The following KLHL1 variants were observed in gnomAD, a reference collection of about 807,000 sequenced individuals.
The protein encoded by KLHL1 is kelch like family member 1.
In KLHL1, 47 loss-of-function variants were observed where a neutral mutation model predicts 77.7. The ratio of observed to expected loss-of-function variants is 0.60; its 90% CI spans 0.48 to 0.77. The LOEUF (loss-of-function observed/expected upper bound fraction) is 0.77. Among genes scored for constraint, KLHL1 ranks in the 30% least tolerant of loss-of-function variants. The pLI, the probability that KLHL1 is intolerant of heterozygous loss-of-function variation, is 0.00. For missense variants in KLHL1, 925 were observed against 910.8 expected, an observed-to-expected ratio of 1.02 and a Z score of -0.20; for synonymous variants, 360 against 325.2, an observed-to-expected ratio of 1.11 and a Z score of -1.15.
At chr13:69,761,486 A>G (rs1875017715) in intron 7 of KLHL1, among the ~76,000 whole-genome samples, 1 of 152,170 alleles carries the variant, frequency 6.6e-6, no homozygotes, top group Non-Finnish European at 1.5e-5. Flanking sequence ...AACTTAGGCT[A>G]AATTTGATGT....
chr13:69,759,956 T>G (rs1307591731), intron 7 of KLHL1, among the ~76,000 whole-genome samples: 1 of 152,164 alleles, frequency 6.6e-6, no homozygotes, highest in African/African-American at 2.4e-5. Flanking sequence ...AGTAAGAGTT[T>G]CTAGTGACTC....
intron 4 of KLHL1, among the ~76,000 whole-genome samples, chr13:69,918,807 T>TTTAGTGTGTCCTTTCTC (rs1302246461): frequency 6.6e-6 from 1 of 152,164 alleles, no homozygotes; most frequent in African/African-American, 2.4e-5. Flanking sequence ...TATTCCAGTT[T>TTTAGTGTGTCCTTTCTC]TTAGTGTGTC....
intron 1 of KLHL1, among the ~76,000 whole-genome samples, chr13:70,045,687 G>A (rs1886477940): frequency 1.3e-5 from 2 of 152,112 alleles, no homozygotes; most frequent in Admixed American, 6.6e-5. Flanking sequence ...AACACATATG[G>A]AGTTTTAAAG....
chr13:69,922,080 G>A (rs532048097), intron 4 of KLHL1, among the ~76,000 whole-genome samples: 80 of 151,846 alleles, frequency 5.3e-4, no homozygotes, highest in African/African-American at 1.9e-3. Context: ...ACGTGCACAC[G>A]ACAGTGCCTG....
chr13:69,766,470 TTA>T (rs1043928266), intron 7 of KLHL1, among the ~76,000 whole-genome samples: 3 of 149,836 alleles, frequency 2.0e-5, no homozygotes, highest in East Asian at 3.9e-4. Context: ...CACCTAATTT[TTA>T]TATATATATA....
intron 8 of KLHL1, 100 bp downstream of exon 8, chr13:69,740,294 T>G (rs1422095314): frequency 2.4e-6 from 2 of 850,446 alleles, no homozygotes; most frequent in Non-Finnish European, 1.7e-6. Flanking sequence ...TAAAATGTTT[T>G]AAAACAATTT....
intron 1 of KLHL1, among the ~76,000 whole-genome samples, chr13:70,089,325 T>C (rs1887619816): frequency 6.6e-6 from 1 of 152,190 alleles, no homozygotes; most frequent in African/African-American, 2.4e-5. Flanking sequence ...CTTTTGTTAT[T>C]GTTTTTAATG....
chr13:69,997,705 TG>T, intron 1 of KLHL1, among the ~76,000 whole-genome samples: 1 of 147,540 alleles, frequency 6.8e-6, no homozygotes, highest in South Asian at 2.1e-4. Flanking sequence ...ATAAATACAT[TG>T]ATATTACATA....
intron 7 of KLHL1, among the ~76,000 whole-genome samples, chr13:69,752,790 T>C (rs759327385): frequency 2.4e-4 from 37 of 152,164 alleles, no homozygotes; most frequent in Admixed American, 4.6e-4. Context: ...AGAAAAAAAC[T>C]CAGGCTATAT....
intron 2 of KLHL1, among the ~76,000 whole-genome samples, chr13:69,973,997 G>A (rs1180485762): frequency 2.0e-5 from 3 of 151,876 alleles, no homozygotes; most frequent in Non-Finnish European, 4.4e-5. Context: ...TTCCACAAGC[G>A]TCTTATGAAA....
intron 9 of KLHL1, among the ~76,000 whole-genome samples, chr13:69,709,613 G>A (rs1483113117): frequency 6.6e-6 from 1 of 151,314 alleles, no homozygotes; most frequent in Non-Finnish European, 1.5e-5. Flanking sequence ...AATTATTGAA[G>A]TTTTTATTAG....
At chr13:69,957,156 G>A (rs545331261) in intron 3 of KLHL1, among the ~76,000 whole-genome samples, 3 of 151,724 alleles carry the variant, frequency 2.0e-5, no homozygotes, top group Non-Finnish European at 4.4e-5. Flanking sequence ...AAAAATGGAA[G>A]TACAGAATAG....
chr13:69,858,397 A>G (rs1409392536), intron 5 of KLHL1, among the ~76,000 whole-genome samples: 4 of 152,118 alleles, frequency 2.6e-5, no homozygotes, highest in Non-Finnish European at 4.4e-5. Flanking sequence ...TCTAAATATT[A>G]TGTATAAATC....
At chr13:70,098,741 T>A (rs1887850659) in intron 1 of KLHL1, among the ~76,000 whole-genome samples, 1 of 151,916 alleles carries the variant, frequency 6.6e-6, no homozygotes, top group East Asian at 1.9e-4. Context: ...ATTAAAGGAT[T>A]TCACAGAGCA....
At chr13:69,905,255 A>G (rs1219271242) in intron 4 of KLHL1, among the ~76,000 whole-genome samples, 1 of 152,120 alleles carries the variant, frequency 6.6e-6, no homozygotes, top group Non-Finnish European at 1.5e-5. Context: ...GTATGTAGTA[A>G]CGATGCTGAT....
At chr13:69,714,996 T>C (rs531256641) in intron 9 of KLHL1, among the ~76,000 whole-genome samples, 1 of 152,288 alleles carries the variant, frequency 6.6e-6, no homozygotes, top group Admixed American at 6.5e-5. Flanking sequence ...TAAATTATCA[T>C]GATGCCAGAA....
chr13:70,040,479 T>C (rs1291121018), intron 1 of KLHL1, among the ~76,000 whole-genome samples: 2 of 152,172 alleles, frequency 1.3e-5, no homozygotes, highest in African/African-American at 2.4e-5. Flanking sequence ...TCTTATTCCA[T>C]ATAGAATTCT....
intron 4 of KLHL1, among the ~76,000 whole-genome samples, chr13:69,930,623 A>G (rs1882969966): frequency 6.6e-6 from 1 of 151,866 alleles, no homozygotes; most frequent in Admixed American, 6.6e-5. Context: ...CTTAACTAAT[A>G]AAGGCAATAT....
chr13:70,033,811 G>A (rs1473910768), intron 1 of KLHL1, among the ~76,000 whole-genome samples: 1 of 151,562 alleles, frequency 6.6e-6, no homozygotes, highest in Admixed American at 6.6e-5. Flanking sequence ...GTAGAAACGG[G>A]GTTTTACCAT....
Sources: gnomAD v4.1 joint callset for allele counts (sites outside exome capture counted in the v4.1 genomes callset) on GRCh38, gnomAD v4.1.1 for gene constraint, MANE v1.5 for transcripts, NCBI Gene and HGNC (gene_info 2026-07-23, HGNC 2026-07-21) for gene names.